KCNIP1: variants seen among roughly 807,000 people sequenced by gnomAD.
KCNIP1 encodes the protein potassium voltage-gated channel interacting protein 1.
In KCNIP1, 18 loss-of-function variants were observed where a neutral mutation model predicts 33.0. That is an observed-to-expected ratio of 0.55 (90% CI 0.38 to 0.81). The LOEUF is 0.81. Among genes scored for constraint, KCNIP1 ranks in the 30% least tolerant of loss-of-function variants. The pLI, the probability that KCNIP1 is intolerant of heterozygous loss-of-function variation, is 0.00. For missense variants in KCNIP1, 238 were observed against 271.6 expected (o/e 0.88, Z 0.87); for synonymous variants, 93 against 98.3 (o/e 0.95, Z 0.32).
intron 1 of KCNIP1, among the ~76,000 whole-genome samples, chr5:170,390,517 A>AAAAAAAAATATATATATATATATAT: frequency 5.4e-5 from 4 of 74,544 alleles, no homozygotes; most frequent in Non-Finnish European, 7.5e-5. Context: ...AAAAAAAACA[A>AAAAAAAAATATATATATATATATAT]ATATATATAT....
intron 1 of KCNIP1, chr5:170,385,577 CTTG>C: frequency 9.5e-7 from 1 of 1,048,790 alleles, no homozygotes; most frequent in Non-Finnish European, 1.4e-6. Flanking sequence ...TAATATCACT[CTTG>C]TTTATATTTG....
chr5:170,688,769 T>C (rs565124832), intron 1 of KCNIP1, among the ~76,000 whole-genome samples: 1 of 152,308 alleles, frequency 6.6e-6, no homozygotes, highest in Admixed American at 6.5e-5. Flanking sequence ...CTAAGATTTT[T>C]CCATGGGAAC....
At chr5:170,454,520 C>T (rs1420777698) in intron 1 of KCNIP1, among the ~76,000 whole-genome samples, 1 of 152,142 alleles carries the variant, frequency 6.6e-6, no homozygotes, top group Non-Finnish European at 1.5e-5. Flanking sequence ...ACCTGATGCC[C>T]AGGAGAACTG....
At chr5:170,660,382 A>C (rs1019344104) in intron 1 of KCNIP1, among the ~76,000 whole-genome samples, 8 of 152,182 alleles carry the variant, frequency 5.3e-5, no homozygotes, top group East Asian at 1.9e-4. Flanking sequence ...AAAAAAAAAA[A>C]AAAACATTCA....
intron 1 of KCNIP1, among the ~76,000 whole-genome samples, chr5:170,612,509 TGACA>T (rs1419386025): frequency 4.6e-5 from 7 of 151,906 alleles, no homozygotes; most frequent in Admixed American, 3.9e-4. Context: ...CTTGGGAGAG[TGACA>T]GCCAGCCAGT....
At chr5:170,483,249 C>A in intron 1 of KCNIP1, 1 of 289,438 alleles carries the variant, frequency 3.5e-6, no homozygotes, top group Non-Finnish European at 6.8e-6. Context: ...AGGGTGATCC[C>A]AGGCTGGGGA....
chr5:170,517,592 G>T (rs558004403), intron 1 of KCNIP1, among the ~76,000 whole-genome samples: 1 of 151,762 alleles, frequency 6.6e-6, no homozygotes, highest in East Asian at 1.9e-4. Context: ...TGGTGATGGT[G>T]GTAGTGATGG....
At chr5:170,684,184 C>T (rs774202905) in intron 1 of KCNIP1, among the ~76,000 whole-genome samples, 1 of 152,202 alleles carries the variant, frequency 6.6e-6, no homozygotes, top group South Asian at 2.1e-4. Context: ...TTCTCCCTAG[C>T]TTTCTCTTTC....
At chr5:170,517,808 ATGG>A (rs1192529975) in intron 1 of KCNIP1, among the ~76,000 whole-genome samples, 2 of 142,274 alleles carry the variant, frequency 1.4e-5, no homozygotes, top group Admixed American at 7.1e-5. Context: ...AGTGATAGTG[ATGG>A]TGGTGGTTAT....
intron 1 of KCNIP1, among the ~76,000 whole-genome samples, chr5:170,620,011 A>C (rs1267581442): frequency 6.6e-6 from 1 of 152,222 alleles, no homozygotes; most frequent in Admixed American, 6.5e-5. Context: ...CCCATAGTCC[A>C]CCACTTACTA....
At chr5:170,354,271 C>T (rs889787128) in intron 1 of KCNIP1, among the ~76,000 whole-genome samples, 4 of 152,012 alleles carry the variant, frequency 2.6e-5, no homozygotes, top group Admixed American at 6.5e-5. Context: ...AGTGGCTTAG[C>T]GTGACTGGAG....
At chr5:170,487,131 G>A (rs758708076) in intron 1 of KCNIP1, among the ~76,000 whole-genome samples, 23 of 152,122 alleles carry the variant, frequency 1.5e-4, no homozygotes, top group Non-Finnish European at 3.1e-4. Context: ...AATCGGCAGG[G>A]CAAGTAGTCA....
At chr5:170,700,975 T>C (rs1410509461) in intron 1 of KCNIP1, among the ~76,000 whole-genome samples, 2 of 152,170 alleles carry the variant, frequency 1.3e-5, no homozygotes, top group Admixed American at 1.3e-4. Flanking sequence ...AACAAAACAC[T>C]GGTTGCAGTA....
chr5:170,564,974 G>C (rs1264133828), intron 1 of KCNIP1, among the ~76,000 whole-genome samples: 3 of 151,976 alleles, frequency 2.0e-5, no homozygotes, highest in African/African-American at 4.8e-5. Flanking sequence ...ACTCAACCTA[G>C]GTTACCTGGC....
chr5:170,560,194 C>T (rs774197628), intron 1 of KCNIP1, among the ~76,000 whole-genome samples: 8 of 152,174 alleles, frequency 5.3e-5, no homozygotes, highest in Non-Finnish European at 1.0e-4. Flanking sequence ...ACCTGTCTTC[C>T]AGCTCCTCCT....
chr5:170,436,901 C>T (rs1294126337), intron 1 of KCNIP1, among the ~76,000 whole-genome samples: 1 of 152,164 alleles, frequency 6.6e-6, no homozygotes, highest in Non-Finnish European at 1.5e-5. Flanking sequence ...CTTTCCTCAT[C>T]CATCACTAGG....
chr5:170,508,397 A>G (rs766161797), intron 1 of KCNIP1, among the ~76,000 whole-genome samples: 1 of 152,192 alleles, frequency 6.6e-6, no homozygotes, highest in Non-Finnish European at 1.5e-5. Flanking sequence ...ATCAATGAGC[A>G]CCTCAGGGAA....
chr5:170,597,787 ATATAT>A (rs1758500317), intron 1 of KCNIP1, among the ~76,000 whole-genome samples: 2 of 2,056 alleles, frequency 9.7e-4, no homozygotes, highest in Non-Finnish European at 9.4e-3. Context: ...AGAGATAAAT[ATATAT>A]ATATATATAT....
At chr5:170,508,017 G>T (rs1754782509) in intron 1 of KCNIP1, among the ~76,000 whole-genome samples, 1 of 152,228 alleles carries the variant, frequency 6.6e-6, no homozygotes, top group Non-Finnish European at 1.5e-5. Context: ...AGTGAGACAG[G>T]CTAGGGCATT....
Sources: gnomAD v4.1 joint callset for allele counts (sites outside exome capture counted in the v4.1 genomes callset) on GRCh38, gnomAD v4.1.1 for gene constraint, MANE v1.5 for transcripts, NCBI Gene and HGNC (gene_info 2026-07-23, HGNC 2026-07-21) for gene names.